The following BLTP1 variants were observed in gnomAD, a reference collection of about 807,000 sequenced individuals.
BLTP1 encodes fragile site-associated protein.
chr4:122,246,039 C>T, the BLTP1 span: 2 of 1,202,870 alleles, frequency 1.7e-6, no homozygotes, highest in South Asian at 5.7e-5. Flanking sequence ...AACTAGAACG[C>T]AGCTGGCACA....
the BLTP1 span, among the ~76,000 whole-genome samples, chr4:122,361,326 G>C: frequency 1.3e-5 from 2 of 152,058 alleles, no homozygotes; most frequent in Non-Finnish European, 2.9e-5. Context: ...ACTTAACTTC[G>C]GGGAAGGGCG....
At chr4:122,356,861 C>A in the BLTP1 span, 1 of 1,474,744 alleles carries the variant, frequency 6.8e-7, no homozygotes, top group East Asian at 2.4e-5. Context: ...ATATATCTCC[C>A]GTGAGTTGAA....
chr4:122,192,409 T>C, the BLTP1 span: 1 of 1,432,850 alleles, frequency 7.0e-7, no homozygotes, highest in Non-Finnish European at 9.8e-7. Context: ...TTCTAATAAG[T>C]TTTTTAGATG....
the BLTP1 span, among the ~76,000 whole-genome samples, chr4:122,355,345 T>C: frequency 6.6e-6 from 1 of 152,118 alleles, no homozygotes; most frequent in Non-Finnish European, 1.5e-5. Flanking sequence ...GGATCCTATT[T>C]AATCTCAAAT....
chr4:122,354,031 G>A, the BLTP1 span: 1 of 1,609,626 alleles, frequency 6.2e-7, no homozygotes. Context: ...AAAATTTTGA[G>A]TCTTTGGAGA....
the BLTP1 span, chr4:122,300,888 C>T: frequency 3.1e-6 from 3 of 964,564 alleles, no homozygotes; most frequent in Non-Finnish European, 3.7e-6. Flanking sequence ...GATATTAGAA[C>T]ATTATTTTCT....
At chr4:122,350,503 G>A in the BLTP1 span, 2 of 503,724 alleles carry the variant, frequency 4.0e-6, no homozygotes, top group Non-Finnish European at 5.1e-6. Context: ...AGGAGATCTA[G>A]TGGTGGACAG....
chr4:122,211,177 A>C, the BLTP1 span: 14 of 1,223,950 alleles, frequency 1.1e-5, no homozygotes, highest in East Asian at 3.5e-4. Flanking sequence ...GACCGTTTGA[A>C]ATAGCCAGTT....
chr4:122,181,957 A>T, the BLTP1 span, among the ~76,000 whole-genome samples: 1 of 152,176 alleles, frequency 6.6e-6, no homozygotes, highest in African/African-American at 2.4e-5. Context: ...AATTGATAAC[A>T]TCTACCAACC....
At chr4:122,272,549 G>T in the BLTP1 span, 1 of 630,170 alleles carries the variant, frequency 1.6e-6, no homozygotes, top group Non-Finnish European at 2.7e-6. Flanking sequence ...AAATTCTGAG[G>T]TACCAAGAAC....
chr4:122,252,145 G>C, the BLTP1 span, among the ~76,000 whole-genome samples: 100 of 152,298 alleles, frequency 6.6e-4, no homozygotes, highest in Non-Finnish European at 1.2e-3. Context: ...ATAACCAGCA[G>C]CAGTACCCAG....
chr4:122,343,290 T>C, the BLTP1 span: 1 of 1,247,524 alleles, frequency 8.0e-7, no homozygotes, highest in Non-Finnish European at 1.1e-6. Flanking sequence ...TTAAATCTAT[T>C]GATCTGATGT....
chr4:122,286,712 T>G, the BLTP1 span: 3,183 of 1,613,996 alleles, frequency 2.0e-3, 7 homozygotes, highest in Non-Finnish European at 2.4e-3. Flanking sequence ...TCGGATCAGG[T>G]GTGGAGTATA....
At chr4:122,226,352 A>G in the BLTP1 span, 1 of 995,036 alleles carries the variant, frequency 1.0e-6, no homozygotes, top group Non-Finnish European at 1.2e-6. Context: ...TTATGATTGG[A>G]GAATTTTAGG....
At chr4:122,304,772 T>C in the BLTP1 span, 2 of 1,606,054 alleles carry the variant, frequency 1.2e-6, no homozygotes, top group Admixed American at 1.7e-5. Flanking sequence ...GATTCATTTT[T>C]TTCCTCCTAA....
chr4:122,187,040 C>G, the BLTP1 span: 2 of 985,032 alleles, frequency 2.0e-6, no homozygotes, highest in Non-Finnish European at 2.4e-6. Flanking sequence ...AGACAAACAT[C>G]AAAGTGACTT....
chr4:122,205,325 G>A, the BLTP1 span, among the ~76,000 whole-genome samples: 1 of 151,702 alleles, frequency 6.6e-6, no homozygotes, highest in Admixed American at 6.6e-5. Context: ...TACATAAATC[G>A]TCTGAATTCT....
the BLTP1 span, chr4:122,350,498 A>T: frequency 8.8e-6 from 5 of 565,690 alleles, no homozygotes; most frequent in Non-Finnish European, 9.0e-6. Flanking sequence ...GGCACAGGAG[A>T]TCTAGTGGTG....
the BLTP1 span, chr4:122,341,714 T>G: frequency 1.0e-6 from 1 of 985,186 alleles, no homozygotes; most frequent in Non-Finnish European, 1.2e-6. Flanking sequence ...GGATCTTTAC[T>G]TTGTGGTCTG....
Sources: allele counts gnomAD v4.1 joint callset (sites outside exome capture counted in the v4.1 genomes callset), GRCh38; gene constraint gnomAD v4.1.1; transcripts MANE v1.5; gene names NCBI Gene and HGNC (gene_info 2026-07-23, HGNC 2026-07-21).